Variants in DPP10 observed in about 807,000 individuals in gnomAD.
The protein encoded by DPP10 is inactive dipeptidyl peptidase 10.
In DPP10, 33 loss-of-function variants were observed where a neutral mutation model predicts 120.9. The observed-to-expected ratio is 0.27, with a 90% confidence interval of 0.21 to 0.37. The LOEUF (loss-of-function observed/expected upper bound fraction) is 0.37. Among genes scored for constraint, DPP10 ranks in the 10% least tolerant of loss-of-function variants. The pLI, the probability that DPP10 is intolerant of heterozygous loss-of-function variation, is 1.00. For missense variants in DPP10, 816 were observed against 942.8 expected, an observed-to-expected ratio of 0.87 and a Z score of 1.76; for synonymous variants, 337 against 326.1, an observed-to-expected ratio of 1.03 and a Z score of -0.36.
intron 3 of DPP10, among the ~76,000 whole-genome samples, chr2:115,354,892 A>G (rs955929660): frequency 6.6e-6 from 1 of 151,940 alleles, no homozygotes; most frequent in African/African-American, 2.4e-5. Context: ...ATTCCTTTTT[A>G]TGGTTGCGTA....
chr2:115,721,654 A>G (rs2092652771), intron 7 of DPP10, among the ~76,000 whole-genome samples: 2 of 152,182 alleles, frequency 1.3e-5, no homozygotes. Flanking sequence ...TACACTGTTC[A>G]GTATACAAAA....
In DPP10 at chr2:115,438,004, C is replaced by A. The variant is rs1167044481; in HGVS notation, c.272-61506C>A. ...ATCTGCTTTGTATATTGAAAATAAT[C>A]ATAAGTTTCTTCATATGACTAGGGA... On this transcript the variant is annotated intron_variant, in intron 3 of 25. Transcript: ENST00000410059. Among the ~76,000 whole-genome samples, 4 of 151,846 alleles carry A rather than the reference C, an allele frequency of 2.6e-5. No homozygotes were observed. The East Asian group carries it at 7.7e-4, about 29-fold the overall frequency.
At chr2:115,037,600 T>A (rs991553008) in intron 1 of DPP10, among the ~76,000 whole-genome samples, 1 of 152,178 alleles carries the variant, frequency 6.6e-6, no homozygotes, top group African/African-American at 2.4e-5. Context: ...CCATGGGAAT[T>A]TGTTAATAAT....
intron 3 of DPP10, among the ~76,000 whole-genome samples, chr2:115,480,060 G>C (rs749576804): frequency 1.3e-5 from 2 of 152,064 alleles, no homozygotes; most frequent in Admixed American, 6.6e-5. Flanking sequence ...TAACCAGGTC[G>C]GGTGTGTGCT....
chr2:115,773,420 A>G (rs764787224), intron 13 of DPP10, among the ~76,000 whole-genome samples: 1 of 152,098 alleles, frequency 6.6e-6, no homozygotes, highest in Non-Finnish European at 1.5e-5. Flanking sequence ...TAATGCTCCA[A>G]ATAAACACTC....
chr2:115,525,810 T>C (rs1392248675), intron 4 of DPP10, 88 bp from the exon 5 acceptor site: 1 of 905,238 alleles, frequency 1.1e-6, no homozygotes, highest in Non-Finnish European at 1.7e-6. Flanking sequence ...TTTATAGTGC[T>C]ATGAAAATTG....
chr2:114,808,485 C>T (rs749109912), intron 1 of DPP10, among the ~76,000 whole-genome samples: 3 of 151,794 alleles, frequency 2.0e-5, no homozygotes, highest in Non-Finnish European at 4.4e-5. Flanking sequence ...TTACACTGCC[C>T]CCAAACATAA....
intron 1 of DPP10, among the ~76,000 whole-genome samples, chr2:115,267,665 G>A (rs1160088801): frequency 2.0e-5 from 3 of 151,246 alleles, no homozygotes; most frequent in Non-Finnish European, 4.4e-5. Flanking sequence ...TTCCTTCCTC[G>A]AGGCATTTGT....
intron 1 of DPP10, among the ~76,000 whole-genome samples, chr2:115,103,537 A>T (rs1052738165): frequency 2.6e-5 from 4 of 152,120 alleles, no homozygotes; most frequent in African/African-American, 9.6e-5. Context: ...TGGCTCCACC[A>T]TCTCCAAAAC....
chr2:114,709,125 CA>C (rs1700865780), intron 1 of DPP10, among the ~76,000 whole-genome samples: 1 of 152,168 alleles, frequency 6.6e-6, no homozygotes, highest in South Asian at 2.1e-4. Context: ...AGCCAATTCC[CA>C]GGCTCCTATG....
At chr2:115,379,994 CGGTGT>C (rs1482269083) in intron 3 of DPP10, among the ~76,000 whole-genome samples, 3 of 152,008 alleles carry the variant, frequency 2.0e-5, no homozygotes, top group Non-Finnish European at 4.4e-5. Context: ...ATTTTGGAAT[CGGTGT>C]GGTGTGGTGC....
intron 1 of DPP10, among the ~76,000 whole-genome samples, chr2:114,499,973 G>A (rs6724855): frequency 0.068 from 10,295 of 152,230 alleles, 1,139 homozygotes; most frequent in African/African-American, 0.23. Context: ...TCAGAACTTA[G>A]GATTCATCTG....
At chr2:114,913,313 C>G (rs760067576) in intron 1 of DPP10, among the ~76,000 whole-genome samples, 1 of 152,134 alleles carries the variant, frequency 6.6e-6, no homozygotes, top group Non-Finnish European at 1.5e-5. Flanking sequence ...TCACCTACCA[C>G]CCCCGCACTG....
At chr2:115,546,248 T>C (rs2079493189) in intron 5 of DPP10, among the ~76,000 whole-genome samples, 1 of 152,188 alleles carries the variant, frequency 6.6e-6, no homozygotes. Flanking sequence ...ATGAAATGTC[T>C]TTTGTTGACA....
chr2:115,673,651 A>G (rs901778291), intron 5 of DPP10, among the ~76,000 whole-genome samples: 8 of 152,058 alleles, frequency 5.3e-5, no homozygotes, highest in Non-Finnish European at 7.4e-5. Context: ...TTCGGTATGT[A>G]ATTGTTACCT....
intron 1 of DPP10, among the ~76,000 whole-genome samples, chr2:114,879,884 G>C (rs1691467585): frequency 1.3e-5 from 2 of 152,208 alleles, no homozygotes; most frequent in East Asian, 3.9e-4. Context: ...GGGAACTTTT[G>C]AATTAGGCAG....
At chr2:115,286,901 C>G (rs1304823743) in intron 1 of DPP10, among the ~76,000 whole-genome samples, 1 of 151,896 alleles carries the variant, frequency 6.6e-6, no homozygotes, top group Non-Finnish European at 1.5e-5. Flanking sequence ...TACTACAAAA[C>G]AGTTGTGCCA....
intron 19 of DPP10, among the ~76,000 whole-genome samples, chr2:115,807,481 C>T (rs184896995): frequency 2.6e-5 from 4 of 152,192 alleles, no homozygotes; most frequent in East Asian, 1.9e-4. Flanking sequence ...CTACAGTACG[C>T]GTAACTGCAG....
chr2:115,382,465 T>G (rs894183301), intron 3 of DPP10, among the ~76,000 whole-genome samples: 4 of 152,118 alleles, frequency 2.6e-5, no homozygotes, highest in African/African-American at 9.7e-5. Flanking sequence ...GTCTGGCACT[T>G]CCTATTGAGA....
Sources: gnomAD v4.1 joint callset for allele counts (sites outside exome capture counted in the v4.1 genomes callset) on GRCh38, gnomAD v4.1.1 for gene constraint, MANE v1.5 for transcripts, NCBI Gene and HGNC (gene_info 2026-07-23, HGNC 2026-07-21) for gene names.